Variants in CSAD observed in about 807,000 individuals in gnomAD.
CSAD encodes the protein P-selectin cytoplasmic tail-associated protein.
CSAD carries 47 observed loss-of-function variants against 61.5 expected under a neutral mutation model. That is an observed-to-expected ratio of 0.76 (90% confidence interval 0.60 to 0.97). CSAD has a LOEUF of 0.97. CSAD is among the 50% of genes least tolerant of loss of function. CSAD has a pLI of 0.00. For missense variants in CSAD, 611 were observed against 643.6 expected, an observed-to-expected ratio of 0.95 and a Z score of 0.55; for synonymous variants, 245 against 252.7, an observed-to-expected ratio of 0.97 and a Z score of 0.29.
At chr12:53,174,307 CAAAAAAAAAAAAAA>C (rs1405029265) in intron 2 of CSAD, among the ~76,000 whole-genome samples, 4 of 102,928 alleles carry the variant, frequency 3.9e-5, no homozygotes, top group Non-Finnish European at 6.5e-5. Flanking sequence ...GACTCCATCT[CAAAAAAAAAAAAAA>C]GAAAAAAAGA....
intron 10 of CSAD, among the ~76,000 whole-genome samples, chr12:53,161,868 G>A (rs1939322882): frequency 6.6e-6 from 1 of 152,110 alleles, no homozygotes. Flanking sequence ...GCTGAGATGG[G>A]AGGATTGCTT....
rs1592375865 is a variant in CSAD, at chr12:53,180,490, G to A, written c.-91+242C>T. The A allele has an allele frequency of 4.9e-6, 6 of 1,224,748 alleles. No homozygotes were observed. The South Asian group carries it at 8.5e-5, about 17-fold the overall frequency. 75.9% of individuals were successfully genotyped at this position (1,224,748 alleles called of 1,614,324 possible). On this transcript the variant is annotated intron_variant, in intron 1 of 16. Transcript: ENST00000444623. ...CCTCAGTCTCGATGGCGGCCGGGGCGCGCCCCGGCCACGGCGCACGCGCCG... is the reference window on the plus strand; with the variant it reads ...CCTCAGTCTCGATGGCGGCCGGGGCACGCCCCGGCCACGGCGCACGCGCCG...
upstream of CSAD, chr12:53,181,197 T>C (rs1690870533): frequency 7.1e-6 from 7 of 985,306 alleles, no homozygotes; most frequent in Non-Finnish European, 8.4e-6. Flanking sequence ...CGCCTGCCTG[T>C]CCTCCACCTC....
chr12:53,169,971 T>A, intron 10 of CSAD, 101 bp downstream of exon 10: 1 of 1,010,332 alleles, frequency 9.9e-7, no homozygotes, highest in African/African-American at 1.6e-5. Context: ...GAGATGGGCA[T>A]GGAGACGAGA....
intron 8 of CSAD, chr12:53,170,725 T>TG: frequency 5.8e-6 from 3 of 512,946 alleles, no homozygotes; most frequent in Admixed American, 3.3e-5. Context: ...TTTGTTTGTT[T>TG]TTTTTTTTTT....
At chr12:53,174,115 T>G (rs1350051879) in intron 2 of CSAD, among the ~76,000 whole-genome samples, 1 of 151,978 alleles carries the variant, frequency 6.6e-6, no homozygotes, top group East Asian at 2.0e-4. Context: ...CCATCCTGGC[T>G]AACACGGTGA....
chr12:53,174,965 C>T (rs1013895265), intron 2 of CSAD, among the ~76,000 whole-genome samples: 2 of 152,172 alleles, frequency 1.3e-5, no homozygotes, highest in African/African-American at 2.4e-5. Context: ...ATCTCTATTA[C>T]GCAACCCCTC....
At chr12:53,169,973 G>C (rs1025859982) in intron 10 of CSAD, 99 bp downstream of exon 10, 10 of 1,028,510 alleles carry the variant, frequency 9.7e-6, no homozygotes, top group African/African-American at 7.8e-5. Flanking sequence ...GATGGGCATG[G>C]AGACGAGAGG....
chr12:53,166,000 C>A (rs562255361), intron 10 of CSAD, among the ~76,000 whole-genome samples: 1 of 152,294 alleles, frequency 6.6e-6, no homozygotes, highest in African/African-American at 2.4e-5. Context: ...GTGGATGAAC[C>A]TTGAAGACAT....
At chr12:53,167,386 C>G (rs960435352) in intron 10 of CSAD, among the ~76,000 whole-genome samples, 1 of 152,232 alleles carries the variant, frequency 6.6e-6, no homozygotes, top group Non-Finnish European at 1.5e-5. Context: ...CTCAACCATC[C>G]CTTCTGAGGG....
In CSAD at chr12:53,170,405, G is replaced by C; in HGVS notation, c.647+18C>G. On this transcript the variant is annotated intron_variant, in intron 9 of 16. Transcript: ENST00000444623. ...GTGCAAAGCTAGGTCACAGCCATGT[G>C]GGCAGAAGGACCTTCACCTCTCATC... 1 of 1,609,866 alleles carries C rather than the reference G, an allele frequency of 6.2e-7. No individual in the cohort carries two copies. The highest frequency in any genetic ancestry group is 1.1e-5 in the South Asian group (1 of 90,998).
chr12:53,171,955 G>A lies in CSAD; in HGVS notation c.378C>T (p.Leu126=). ...YTYEIAPVFV[L]MEEEVLRKLR... ...GTTTCCTCAGCACCTCCTCTTCCAT[G>A]AGCACAAACACGGGGGCGATTTCAT... Residue 126 remains leucine, a synonymous_variant, in exon 7 of 17, where the codon CTC becomes CTT. Transcript: ENST00000444623. 1 of 1,614,016 alleles carries A rather than the reference G, an allele frequency of 6.2e-7. No homozygotes were observed. Among genetic ancestry groups the A allele is most frequent in the Non-Finnish European group, 8.5e-7 (1 of 1,179,942 alleles).
chr12:53,172,336 G>C lies in CSAD; in HGVS notation c.344+10C>G, dbSNP rs755156590. On this transcript the variant is annotated intron_variant, in intron 6 of 16. Coordinates refer to ENST00000444623, the MANE Select transcript of CSAD (RefSeq NM_001244705.2). ...TTTGTGGGATGGTAGAGGGGCCTTG[G>C]GATGCTCACTGGCTGGTGTTGAGGC... The C allele has an allele frequency of 1.2e-5, 19 of 1,612,132 alleles. No individual in the cohort carries two copies. Among genetic ancestry groups the C allele is most frequent in the Middle Eastern group, 1.7e-4 (1 of 6,056 alleles).
In CSAD at chr12:53,170,518, G is replaced by A; in HGVS notation, c.568-16C>T. On this transcript the variant is annotated splice_polypyrimidine_tract_variant and intron_variant, in intron 8 of 16. Coordinates refer to ENST00000444623, the MANE Select transcript of CSAD (RefSeq NM_001244705.2). Reference sequence around the variant, plus strand: ...AGTAGTGACACTGTGGGGGAAGGCAGAGGGCAAGTTAGCACAACTTGATGG... The same window carrying A: ...AGTAGTGACACTGTGGGGGAAGGCAAAGGGCAAGTTAGCACAACTTGATGG... 1 of 1,609,874 alleles carries A rather than the reference G, an allele frequency of 6.2e-7. No individual in the cohort carries two copies. Among genetic ancestry groups the A allele is most frequent in the Non-Finnish European group, 8.5e-7 (1 of 1,176,110 alleles).
At chr12:53,180,338 T>A (rs971933360) in intron 1 of CSAD, 43 of 985,238 alleles carry the variant, frequency 4.4e-5, no homozygotes, top group Non-Finnish European at 5.1e-5. Context: ...CTCAGAGCGA[T>A]GGGCAGGACG....
rs1940884833 is a variant in CSAD, at chr12:53,173,867, T to A, written c.-49-97A>T. The A allele has an allele frequency of 1.1e-5, 14 of 1,229,404 alleles. No individual in the cohort carries two copies. The South Asian group carries it at 1.2e-4, about 10-fold the overall frequency. 76.2% of individuals were successfully genotyped at this position (1,229,404 alleles called of 1,614,324 possible). A position where few individuals can be genotyped will look rare whatever the true frequency, so the allele number is the denominator to read the frequency against. ...ATTCACAAAGTTGTTGCAACCATCA[T>A]CACTATCTAACGCCAGAACATTTTC... On this transcript the variant is annotated intron_variant, in intron 2 of 16. Coordinates refer to ENST00000444623, the MANE Select transcript of CSAD (RefSeq NM_001244705.2).
rs769451630 is a variant in CSAD, at chr12:53,160,320, C to G, written c.967-1G>C. Reference sequence around the variant, plus strand: ...ACCCATGGCAGCGCTTGAGCAGGTTCTGTGTGGGGGTGAGGAGATTGTCAG... The same window carrying G: ...ACCCATGGCAGCGCTTGAGCAGGTTGTGTGTGGGGGTGAGGAGATTGTCAG... On this transcript the variant is annotated splice_acceptor_variant, in intron 13 of 16. Transcript: ENST00000444623. LOFTEE classifies it high-confidence loss of function. The G allele has an allele frequency of 8.1e-6, 13 of 1,614,134 alleles. No individual in the cohort carries two copies. Among genetic ancestry groups the G allele is most frequent in the South Asian group, 2.2e-5 (2 of 91,078 alleles).
intron 7 of CSAD, 151 bp downstream of exon 7, chr12:53,171,731 C>A (rs1188248333): frequency 4.7e-6 from 3 of 635,550 alleles, no homozygotes; most frequent in Non-Finnish European, 5.5e-6. Flanking sequence ...ATGAAGGGAC[C>A]AGGCAGCCGC....
intron 6 of CSAD, 111 bp downstream of exon 6, chr12:53,172,235 C>A: frequency 9.5e-7 from 1 of 1,056,378 alleles, no homozygotes; most frequent in Non-Finnish European, 1.5e-6. Flanking sequence ...GACAGGGATT[C>A]CCAGAAGCAG....
Sources: gnomAD v4.1 joint callset for allele counts (sites outside exome capture counted in the v4.1 genomes callset) on GRCh38, gnomAD v4.1.1 for gene constraint, MANE v1.5 for transcripts, NCBI Gene and HGNC (gene_info 2026-07-23, HGNC 2026-07-21) for gene names.